The following PCDH9 variants were observed in gnomAD, a reference collection of about 807,000 sequenced individuals.
PCDH9 encodes the protein protocadherin 9.
In PCDH9, 24 loss-of-function variants were observed where a neutral mutation model predicts 70.6. The ratio of observed to expected loss-of-function variants is 0.34; its 90% CI spans 0.25 to 0.48. The LOEUF (loss-of-function observed/expected upper bound fraction) is 0.48. Ranked by LOEUF, PCDH9 falls within the 20% of genes least tolerant of loss-of-function variation. The pLI is 0.99. For missense variants in PCDH9, 1,281 were observed against 1,503.6 expected, an observed-to-expected ratio of 0.85 and a Z score of 2.45; for synonymous variants, 562 against 558.5, an observed-to-expected ratio of 1.01 and a Z score of -0.09.
chr13:66,803,876 T>C (rs1389305409), intron 3 of PCDH9, among the ~76,000 whole-genome samples: 1 of 152,164 alleles, frequency 6.6e-6, no homozygotes, highest in Non-Finnish European at 1.5e-5. Context: ...GAATATGAAG[T>C]TGCTTTCCAA....
At chr13:66,994,952 A>C (rs1302800586) in intron 2 of PCDH9, among the ~76,000 whole-genome samples, 1 of 152,158 alleles carries the variant, frequency 6.6e-6, no homozygotes, top group Non-Finnish European at 1.5e-5. Context: ...AAGTTTTGTA[A>C]TCCATTTACG....
chr13:66,326,028 T>A (rs773976902), intron 4 of PCDH9, among the ~76,000 whole-genome samples: 2 of 152,092 alleles, frequency 1.3e-5, no homozygotes, highest in Non-Finnish European at 2.9e-5. Flanking sequence ...CTATCAAACC[T>A]CCATCCAGTT....
At chr13:66,549,298 T>C (rs1961362500) in intron 4 of PCDH9, among the ~76,000 whole-genome samples, 1 of 152,076 alleles carries the variant, frequency 6.6e-6, no homozygotes, top group South Asian at 2.1e-4. Flanking sequence ...GGGGGAAGGA[T>C]TAGTACTTTG....
chr13:66,365,790 C>T (rs750238657), intron 4 of PCDH9, among the ~76,000 whole-genome samples: 1 of 152,056 alleles, frequency 6.6e-6, no homozygotes, highest in African/African-American at 2.4e-5. Context: ...TTGCTTGATA[C>T]GTAGTAAGGT....
At chr13:66,492,446 A>G (rs930702817) in intron 4 of PCDH9, among the ~76,000 whole-genome samples, 20 of 148,166 alleles carry the variant, frequency 1.3e-4, no homozygotes, top group African/African-American at 4.4e-4. Flanking sequence ...ATATTTATAT[A>G]TAATAAATAT....
chr13:66,610,027 G>A (rs1286035963), intron 4 of PCDH9, among the ~76,000 whole-genome samples: 1 of 147,774 alleles, frequency 6.8e-6, no homozygotes, highest in Non-Finnish European at 1.5e-5. Flanking sequence ...GCGAGATCTC[G>A]GCTCACTGCA....
At chr13:66,426,161 T>C (rs1031580863) in intron 4 of PCDH9, among the ~76,000 whole-genome samples, 1 of 151,350 alleles carries the variant, frequency 6.6e-6, no homozygotes, top group Non-Finnish European at 1.5e-5. Flanking sequence ...GATACCTTAA[T>C]CTATTCAGTG....
At chr13:66,865,116 T>G (rs1327588533) in intron 3 of PCDH9, among the ~76,000 whole-genome samples, 1 of 152,214 alleles carries the variant, frequency 6.6e-6, no homozygotes, top group Non-Finnish European at 1.5e-5. Flanking sequence ...TAAAATAAAG[T>G]TTTATTCTTT....
At chr13:66,339,002 T>C (rs1305207206) in intron 4 of PCDH9, among the ~76,000 whole-genome samples, 1 of 152,036 alleles carries the variant, frequency 6.6e-6, no homozygotes, top group African/African-American at 2.4e-5. Flanking sequence ...TTCTTGGCAG[T>C]GTATGATTTG....
chr13:66,696,336 A>C (rs954784223), intron 3 of PCDH9, among the ~76,000 whole-genome samples: 2 of 152,210 alleles, frequency 1.3e-5, no homozygotes, highest in African/African-American at 4.8e-5. Context: ...TTTTCTAATA[A>C]TTATTCAATC....
intron 4 of PCDH9, among the ~76,000 whole-genome samples, chr13:66,438,017 T>C (rs181536765): frequency 1.8e-3 from 274 of 152,228 alleles, no homozygotes; most frequent in Non-Finnish European, 2.9e-3. Context: ...GTGGATCACC[T>C]GAGGTCAGGA....
intron 3 of PCDH9, among the ~76,000 whole-genome samples, chr13:66,858,071 T>TGTG (rs2081423741): frequency 6.6e-6 from 1 of 152,142 alleles, no homozygotes; most frequent in Non-Finnish European, 1.5e-5. Flanking sequence ...TAAAATAGCA[T>TGTG]CCTTACTAAG....
At chr13:66,744,996 A>G (rs1334681722) in intron 3 of PCDH9, among the ~76,000 whole-genome samples, 2 of 152,186 alleles carry the variant, frequency 1.3e-5, no homozygotes, top group African/African-American at 4.8e-5. Flanking sequence ...ATGCAGGATC[A>G]TATTGCCTGG....
chr13:66,669,102 C>T (rs370359429), intron 3 of PCDH9, among the ~76,000 whole-genome samples: 30 of 152,246 alleles, frequency 2.0e-4, no homozygotes, highest in African/African-American at 7.2e-4. Context: ...AATGGAATGT[C>T]TACATGTGCC....
At chr13:66,561,432 C>A (rs1397704093) in intron 4 of PCDH9, among the ~76,000 whole-genome samples, 2 of 152,212 alleles carry the variant, frequency 1.3e-5, no homozygotes, top group African/African-American at 2.4e-5. Flanking sequence ...GACTGGCAGG[C>A]AGCTCCACCT....
intron 2 of PCDH9, among the ~76,000 whole-genome samples, chr13:67,121,456 C>T (rs1048480857): frequency 3.9e-5 from 6 of 152,172 alleles, no homozygotes; most frequent in African/African-American, 9.7e-5. Flanking sequence ...GCAATGTTAA[C>T]TTTTAATGTC....
chr13:67,068,112 C>T (rs1380538981), intron 2 of PCDH9, among the ~76,000 whole-genome samples: 6 of 151,964 alleles, frequency 3.9e-5, no homozygotes, highest in Non-Finnish European at 7.4e-5. Flanking sequence ...TCTAACTATA[C>T]AGGGTAAAAT....
At chr13:66,805,515 A>G (rs2080395658) in intron 3 of PCDH9, among the ~76,000 whole-genome samples, 1 of 152,086 alleles carries the variant, frequency 6.6e-6, no homozygotes, top group Non-Finnish European at 1.5e-5. Context: ...CACTGGGAGG[A>G]GGTGAGTGGT....
intron 2 of PCDH9, among the ~76,000 whole-genome samples, chr13:66,926,065 A>G (rs1396001403): frequency 6.6e-6 from 1 of 151,952 alleles, no homozygotes; most frequent in East Asian, 1.9e-4. Context: ...TTCCTTGTCT[A>G]AGCAATGGGA....
Sources: gnomAD v4.1 joint callset for allele counts (sites outside exome capture counted in the v4.1 genomes callset) on GRCh38, gnomAD v4.1.1 for gene constraint, MANE v1.5 for transcripts, NCBI Gene and HGNC (gene_info 2026-07-23, HGNC 2026-07-21) for gene names.